KCNQ5: variants seen among roughly 807,000 people sequenced by gnomAD.
The protein encoded by KCNQ5 is potassium voltage-gated channel subfamily Q member 5, also known as potassium voltage-gated channel subfamily KQT member 5.
A neutral mutation model predicts 98.2 loss-of-function variants in KCNQ5; 30 were observed. The observed-to-expected ratio is 0.31, with a 90% CI of 0.23 to 0.41. The LOEUF (loss-of-function observed/expected upper bound fraction) is 0.41, where lower values mean the gene tolerates loss of function less well. Ranked by LOEUF, KCNQ5 falls within the 10% of genes least tolerant of loss-of-function variation. The pLI is 1.00. For missense variants in KCNQ5, 835 were observed against 1,182.5 expected, an observed-to-expected ratio of 0.71 and a Z score of 4.31; for synonymous variants, 458 against 449.4, an observed-to-expected ratio of 1.02 and a Z score of -0.24.
chr6:72,860,229 A>G (rs1003177162), intron 1 of KCNQ5, among the ~76,000 whole-genome samples: 8 of 152,134 alleles, frequency 5.3e-5, no homozygotes, highest in Admixed American at 2.6e-4. Flanking sequence ...TTTCTACTCT[A>G]AATTAATTTT....
intron 2 of KCNQ5, among the ~76,000 whole-genome samples, chr6:73,029,256 G>A (rs961016043): frequency 2.6e-5 from 4 of 152,110 alleles, no homozygotes; most frequent in Non-Finnish European, 4.4e-5. Context: ...GGAAACTTTA[G>A]AAAAACAAAT....
chr6:73,157,284 T>C (rs557955825), intron 10 of KCNQ5, among the ~76,000 whole-genome samples: 14 of 151,972 alleles, frequency 9.2e-5, no homozygotes, highest in Non-Finnish European at 2.1e-4. Flanking sequence ...GGTCCCCAAA[T>C]CCTCCTGGGA....
intron 1 of KCNQ5, among the ~76,000 whole-genome samples, chr6:73,003,622 G>A: frequency 6.6e-6 from 1 of 152,106 alleles, no homozygotes. Context: ...GAAGTTGTAT[G>A]GGAAATTCAC....
intron 10 of KCNQ5, among the ~76,000 whole-genome samples, chr6:73,154,590 T>C (rs1025851004): frequency 6.6e-6 from 1 of 152,166 alleles, no homozygotes; most frequent in African/African-American, 2.4e-5. Context: ...TGAACATTCT[T>C]CTATTATTTA....
chr6:73,014,708 A>G (rs1770237446), intron 2 of KCNQ5, among the ~76,000 whole-genome samples: 1 of 152,144 alleles, frequency 6.6e-6, no homozygotes, highest in East Asian at 1.9e-4. Flanking sequence ...TATTTAAAGA[A>G]AATCTATAGG....
chr6:73,067,863 GATATAT>G lies in KCNQ5; in HGVS notation c.617-9421_617-9416del, dbSNP rs71695883. Among the ~76,000 whole-genome samples, 33 of 4,364 alleles carry G rather than the reference GATATAT, an allele frequency of 7.6e-3. 1 individual carries two copies. The highest frequency in any genetic ancestry group is 8.3e-3 in the African/African-American group (33 of 3,960). The allele number at this position is 4,364 out of a possible 152,430, so 2.9% of individuals were successfully genotyped here. The stretch of plus-strand genomic sequence containing the variant: ...GCTATTAAAGATCATTTGGACAAAA[GATATAT>G]ATATATATATATATATATATATATA... On this transcript the variant is annotated intron_variant, in intron 3 of 13. Coordinates refer to ENST00000370398, the MANE Select transcript of KCNQ5 (RefSeq NM_019842.4).
chr6:72,674,918 ATAAG>A (rs1439696326), intron 1 of KCNQ5, among the ~76,000 whole-genome samples: 1 of 152,186 alleles, frequency 6.6e-6, no homozygotes, highest in African/African-American at 2.4e-5. Flanking sequence ...TATTCAGTGA[ATAAG>A]TATGTGTGTG....
In KCNQ5 at chr6:73,111,409, T is replaced by TG; in HGVS notation, c.1125+7dup. ...CAGCTGCCAACCTCATTCAGGTAAA[T>TG]GTCAATGTAATAGGTAGATGGCAAC... On this transcript the variant is annotated splice_region_variant and intron_variant, in intron 7 of 13. Transcript: ENST00000370398. 1 of 1,591,852 alleles carries TG rather than the reference T, an allele frequency of 6.3e-7. No individual in the cohort carries two copies. Among genetic ancestry groups the TG allele is most frequent in the Non-Finnish European group, 8.6e-7 (1 of 1,165,524 alleles).
At chr6:72,992,940 A>C (rs1769114628) in intron 1 of KCNQ5, among the ~76,000 whole-genome samples, 1 of 13,444 alleles carries the variant, frequency 7.4e-5, no homozygotes. Context: ...GCTGGATATG[A>C]AATTCTGGGT....
chr6:72,986,661 A>C lies in KCNQ5; in HGVS notation c.399-17247A>C, dbSNP rs915275295. The C allele has an allele frequency of 7.3e-6, 6 of 824,656 alleles. No homozygotes were observed. The Admixed American group carries it at 1.3e-4, about 17-fold the overall frequency. 51.1% of individuals were successfully genotyped at this position (824,656 alleles called of 1,614,324 possible). On this transcript the variant is annotated intron_variant, in intron 1 of 13. Coordinates refer to ENST00000370398, the MANE Select transcript of KCNQ5 (RefSeq NM_019842.4). ...GAGAAGTCACCCAATCCCAGGAAGCAGGTGCTTGGCCATTTGGAGTTCCTC... is the reference window on the plus strand; with the variant it reads ...GAGAAGTCACCCAATCCCAGGAAGCCGGTGCTTGGCCATTTGGAGTTCCTC...
At chr6:72,819,571 C>T (rs1433612291) in intron 1 of KCNQ5, among the ~76,000 whole-genome samples, 1 of 152,130 alleles carries the variant, frequency 6.6e-6, no homozygotes, top group Non-Finnish European at 1.5e-5. Flanking sequence ...CATAAGCAAT[C>T]CAAGTCAGGA....
Position 72,661,385 on chromosome 6 carries a change from T to A in KCNQ5, c.398+38798T>A, listed in dbSNP as rs145166341. The stretch of plus-strand genomic sequence containing the variant: ...CAGCTTACTTAGCATGATGACTGTT[T>A]CACAATTATACAATTAATAAAAAGT... On this transcript the variant is annotated intron_variant, in intron 1 of 13. Coordinates refer to ENST00000370398, the MANE Select transcript of KCNQ5 (RefSeq NM_019842.4). Among the ~76,000 whole-genome samples the A allele has an allele frequency of 4.7e-3, 722 of 152,254 alleles. 4 individuals are homozygous for A. The highest frequency in any genetic ancestry group is 0.017 in the African/African-American group (689 of 41,576).
chr6:72,787,592 A>G (rs1229173501), intron 1 of KCNQ5, among the ~76,000 whole-genome samples: 1 of 152,226 alleles, frequency 6.6e-6, no homozygotes, highest in African/African-American at 2.4e-5. Flanking sequence ...AGCCAAAGTA[A>G]CCAGAAGGTT....
intron 1 of KCNQ5, among the ~76,000 whole-genome samples, chr6:72,852,662 A>AATATATAT (rs1777324410): frequency 2.6e-5 from 1 of 38,336 alleles, no homozygotes; most frequent in Non-Finnish European, 5.2e-5. Context: ...TATATATATA[A>AATATATAT]ATGGCACTTA....
Position 73,192,669 on chromosome 6 carries a change from GGGTGGTCAA to G in KCNQ5, c.1818_1826del (p.Val607_Val609del). 6.3e-7 allele frequency: 1 copy of G among 1,598,056 alleles called. No individual in the cohort carries two copies. Among genetic ancestry groups the G allele is most frequent in the Non-Finnish European group, 8.5e-7 (1 of 1,172,516 alleles). On this transcript the variant is annotated inframe_deletion, in exon 13 of 14. Transcript: ENST00000370398. The stretch of plus-strand genomic sequence containing the variant: ...ACAGACGATCTCAGTATGCTCGGTC[GGGTGGTCAA>G]GGTTGAAAAACAGGTACAACTCAAC...
At chr6:73,154,519 A>G (rs538016937) in intron 10 of KCNQ5, among the ~76,000 whole-genome samples, 1 of 152,242 alleles carries the variant, frequency 6.6e-6, no homozygotes, top group East Asian at 1.9e-4. Context: ...CTTCTTTTTT[A>G]TATTAATATG....
At chr6:73,141,157 A>C (rs2796042) in intron 10 of KCNQ5, among the ~76,000 whole-genome samples, 10,507 of 152,262 alleles carry the variant, frequency 0.069, 539 homozygotes, top group African/African-American at 0.14. Flanking sequence ...ATGGTGCTGG[A>C]AGATTCTGTG....
At chr6:72,688,302 T>C (rs1369781482) in intron 1 of KCNQ5, among the ~76,000 whole-genome samples, 1 of 152,328 alleles carries the variant, frequency 6.6e-6, no homozygotes. Context: ...GTTCTTAAGG[T>C]TCACTCTTTT....
intron 1 of KCNQ5, among the ~76,000 whole-genome samples, chr6:72,647,894 A>G (rs1334776490): frequency 1.3e-5 from 2 of 152,174 alleles, no homozygotes; most frequent in Non-Finnish European, 2.9e-5. Flanking sequence ...ATACATCATG[A>G]AATTAAATAA....
Sources: allele counts gnomAD v4.1 joint callset (sites outside exome capture counted in the v4.1 genomes callset), GRCh38; gene constraint gnomAD v4.1.1; transcripts MANE v1.5; gene names NCBI Gene and HGNC (gene_info 2026-07-23, HGNC 2026-07-21).